Variants in TASOR2 observed in about 807,000 individuals in gnomAD.
TASOR2 encodes protein TASOR 2.
TASOR2 carries 84 observed loss-of-function variants against 199.5 expected under a neutral mutation model. The ratio of observed to expected loss-of-function variants is 0.42; its 90% CI spans 0.35 to 0.50. TASOR2 has a LOEUF of 0.50. TASOR2 is among the 20% of genes least tolerant of loss of function. The probability of loss-of-function intolerance (pLI) is 0.02; values close to 1 mark genes in which losing one functional copy is unlikely to be tolerated. For missense variants in TASOR2, 2,796 were observed against 2,835.9 expected (o/e 0.99, Z 0.32); for synonymous variants, 1,103 against 1,046.6 (o/e 1.05, Z -1.04).
chr10:5,746,108 A>T, intron 14 of TASOR2, 71 bp from the exon 16 acceptor site: 1 of 1,435,086 alleles, frequency 7.0e-7, no homozygotes, highest in Non-Finnish European at 9.3e-7. Flanking sequence ...TGTTCTTCAC[A>T]TGTACATATA....
In TASOR2 at chr10:5,740,056, A is replaced by G. The variant is rs371944148; in HGVS notation, c.1886A>G (p.Lys629Arg). The G allele has an allele frequency of 5.0e-6, 8 of 1,614,078 alleles. No individual in the cohort carries two copies. The highest frequency in any genetic ancestry group is 6.8e-6 in the Non-Finnish European group (8 of 1,180,040). Residue 629 changes from lysine (K) to arginine (R), a missense_variant, in exon 13 of 21, where the codon AAA (lysine) becomes AGA (arginine). Physicochemically the swap from Lys to Arg is conservative, Grantham distance 26. Around this residue, in one of 3 missense-constraint regions of TASOR2, gnomAD observed 847 missense variants for 887.4 expected, o/e 0.95. Coordinates refer to ENST00000328090, the Ensembl canonical transcript of TASOR2. The surrounding 1 kb of genome is among the most constrained non-coding windows in gnomAD (Gnocchi z 5.3). ...GTTCCTTGTAGTCAGGCCCCTGCTA[A>G]AGCCCAGTCAGCACTTACTGAGGAA...
rs182633905 is a variant in TASOR2, at chr10:5,754,690, G to C, written c.6607-1923G>C. On this transcript the variant is annotated intron_variant, in intron 15 of 20. Transcript: ENST00000328090. This position sits in a 1 kb window ranked among gnomAD's most constrained non-coding sequence, Gnocchi z 4.3. ...TTGTTTCATAATATTTTATCACGTG[G>C]TGTCACTGTTTACAACAGAAAATAA... 2.0e-5 allele frequency among the ~76,000 whole-genome samples: 3 copies of C among 152,212 alleles called. No homozygotes were observed. Among genetic ancestry groups the C allele is most frequent in the African/African-American group, 7.2e-5 (3 of 41,534 alleles).
In TASOR2 at chr10:5,723,633, C is replaced by A. The variant is rs530701927; in HGVS notation, c.147-44C>A. The stretch of plus-strand genomic sequence containing the variant: ...AACCAAAACTTAAGAAAATTTAGAT[C>A]CACTGTTTATTATTCTGCTTGATAC... On this transcript the variant is annotated intron_variant, in intron 6 of 20. Coordinates refer to ENST00000328090, the Ensembl canonical transcript of TASOR2. The A allele has an allele frequency of 5.0e-6, 6 of 1,197,216 alleles. No individual in the cohort carries two copies. The Admixed American group carries it at 1.1e-4, about 22-fold the overall frequency. 74.2% of individuals were successfully genotyped at this position (1,197,216 alleles called of 1,614,324 possible). A position where few individuals can be genotyped will look rare whatever the true frequency, so the allele number is the denominator to read the frequency against.
At chr10:5,755,559 G>C (rs2097938995) in intron 15 of TASOR2, among the ~76,000 whole-genome samples, 1 of 151,610 alleles carries the variant, frequency 6.6e-6, no homozygotes, top group South Asian at 2.1e-4. Flanking sequence ...GGGTGACAGA[G>C]TAAGACAACA....
At chr10:5,741,988 A>T in intron 13 of TASOR2, 109 bp from the exon 15 acceptor site, 1 of 1,028,798 alleles carries the variant, frequency 9.7e-7, no homozygotes, top group African/African-American at 1.6e-5. Context: ...TAAATTTTAA[A>T]AATAAAAACA....
At chr10:5,705,021 T>C (rs1374355490) in intron 1 of TASOR2, among the ~76,000 whole-genome samples, 1 of 152,206 alleles carries the variant, frequency 6.6e-6, no homozygotes, top group Non-Finnish European at 1.5e-5. Flanking sequence ...TTTCATACAA[T>C]AAAATGAACA....
chr10:5,739,844 C>T, exon 13 of TASOR2: 1 of 1,614,222 alleles, frequency 6.2e-7, no homozygotes, highest in East Asian at 2.2e-5. Flanking sequence ...GAAATCTTCA[C>T]TGTTCCTCTG....
At position 5,740,145 on chromosome 10, in the gene TASOR2, C is replaced by T; in HGVS notation, c.1975C>T (p.Leu659Phe). Residue 659 changes from leucine to phenylalanine, a missense_variant, in exon 13 of 21, where the codon CTC becomes TTC. Transcript: ENST00000328090. This position sits in a 1 kb window ranked among gnomAD's most constrained non-coding sequence, Gnocchi z 5.3. Reference sequence around the variant, plus strand: ...TTCTGTGGAACATTCATATGCCCTGCTCCTTACAGAACATTCAAAGAAACA... The same window carrying T: ...TTCTGTGGAACATTCATATGCCCTGTTCCTTACAGAACATTCAAAGAAACA... 1 of 1,614,200 alleles carries T rather than the reference C, an allele frequency of 6.2e-7. No individual in the cohort carries two copies. The highest frequency in any genetic ancestry group is 8.5e-7 in the Non-Finnish European group (1 of 1,180,048).
chr10:5,688,626 G>C (rs568161127), intron 1 of TASOR2, among the ~76,000 whole-genome samples: 1 of 152,024 alleles, frequency 6.6e-6, no homozygotes, highest in East Asian at 1.9e-4. Flanking sequence ...CACTTTCAAG[G>C]GCTCTTTTAC....
chr10:5,703,502 G>GTTTTT (rs1838162715), intron 1 of TASOR2, among the ~76,000 whole-genome samples: 2 of 68,454 alleles, frequency 2.9e-5, no homozygotes, highest in Admixed American at 2.3e-4. Context: ...AGGTTTTTCT[G>GTTTTT]ATTTTTTTTT....
At chr10:5,735,586 C>G in intron 12 of TASOR2, 40 bp downstream of exon 13, 1 of 1,587,748 alleles carries the variant, frequency 6.3e-7, no homozygotes, top group East Asian at 2.2e-5. Flanking sequence ...CACCCCAATA[C>G]AGATCTAACA....
rs201588583 is a variant in TASOR2 at position 5,749,532 on chromosome 10, C to T, written c.6111C>T (p.Ser2037=). ...TGCATCCTGCACCTAGGAGCAGAAG[C>T]CCCCTTCTGGTAACAGTTGTGGAGT... The change falls in exon 15 of 21, where the codon AGC becomes AGT. Residue 2037 remains serine, a synonymous_variant. Transcript: ENST00000328090. The T allele has an allele frequency of 5.6e-6, 9 of 1,614,088 alleles. No homozygotes were observed. In the East Asian group the frequency reaches 1.6e-4, roughly 28 times the overall value.
At chr10:5,745,211 T>C (rs1564339747) in intron 14 of TASOR2, among the ~76,000 whole-genome samples, 2 of 152,216 alleles carry the variant, frequency 1.3e-5, no homozygotes, top group Admixed American at 6.5e-5. Flanking sequence ...TGCTACTGTT[T>C]AAATCAGTGC....
intron 15 of TASOR2, among the ~76,000 whole-genome samples, chr10:5,755,697 T>C (rs557673180): frequency 2.6e-4 from 40 of 152,270 alleles, no homozygotes; most frequent in Non-Finnish European, 4.3e-4. Context: ...AGATAGTCAA[T>C]GTCAAGGCCA....
chr10:5,746,529 A>G, exon 15 of TASOR2: 1 of 1,614,192 alleles, frequency 6.2e-7, no homozygotes, highest in South Asian at 1.1e-5. Context: ...CTTCCTTGGA[A>G]AGAAAGGATG....
chr10:5,709,372 C>T (rs1831627044), intron 1 of TASOR2, among the ~76,000 whole-genome samples: 1 of 152,062 alleles, frequency 6.6e-6, no homozygotes, highest in African/African-American at 2.4e-5. Flanking sequence ...GCTTATAGAA[C>T]AAATTAAGTC....
At chr10:5,709,577 G>T in intron 1 of TASOR2, 1 of 1,230,788 alleles carries the variant, frequency 8.1e-7, no homozygotes, top group Non-Finnish European at 1.0e-6. Context: ...AATTCTGAGG[G>T]TATACTTGGT....
At chr10:5,724,381 C>A in intron 7 of TASOR2, 49 bp from the exon 9 acceptor site, 1 of 883,110 alleles carries the variant, frequency 1.1e-6, no homozygotes, top group Non-Finnish European at 1.7e-6. Flanking sequence ...ACTGTAAGTA[C>A]ATAATAGCGT....
chr10:5,740,514 C>T lies in TASOR2; in HGVS notation c.2327+17C>T. 1 of 1,594,804 alleles carries T rather than the reference C, an allele frequency of 6.3e-7. No individual in the cohort carries two copies. Among genetic ancestry groups the T allele is most frequent in the East Asian group, 2.2e-5 (1 of 44,648 alleles). On this transcript the variant is annotated intron_variant, in intron 13 of 20. Coordinates refer to ENST00000328090, the Ensembl canonical transcript of TASOR2. The surrounding 1 kb of genome is among the most constrained non-coding windows in gnomAD (Gnocchi z 5.3). The stretch of plus-strand genomic sequence containing the variant: ...ATTACATGGGTGAGTATGAGTGAAA[C>T]TTAGTGAAAATGGATGAAACTTTTC...
Sources: allele counts gnomAD v4.1 joint callset (sites outside exome capture counted in the v4.1 genomes callset), GRCh38; gene constraint gnomAD v4.1.1; regional missense constraint gnomAD v4.1.1; non-coding constraint Gnocchi (gnomAD v3.1); transcripts MANE v1.5; gene names NCBI Gene and HGNC (gene_info 2026-07-23, HGNC 2026-07-21).